Variants in TTC34 observed in about 807,000 individuals in gnomAD.
The protein encoded by TTC34 is tetratricopeptide repeat protein 34.
TTC34 carries 44 observed loss-of-function variants against 40.7 expected under a neutral mutation model. The ratio of observed to expected loss-of-function variants is 1.08; its 90% CI spans 0.85 to 1.39. The LOEUF (loss-of-function observed/expected upper bound fraction) is 1.39, where lower values mean the gene tolerates loss of function less well. TTC34 is among the 40% of genes most tolerant of loss of function. The pLI, the probability that TTC34 is intolerant of heterozygous loss-of-function variation, is 0.00. For missense variants in TTC34, 884 were observed against 838.0 expected (o/e 1.05, Z -0.68); for synonymous variants, 422 against 398.6 (o/e 1.06, Z -0.70).
intron 6 of TTC34, among the ~76,000 whole-genome samples, chr1:2,673,956 GC>G (rs1639794705): frequency 2.2e-5 from 1 of 45,322 alleles, no homozygotes; most frequent in Non-Finnish European, 4.9e-5. Flanking sequence ...CAGCACACAC[GC>G]CCCCAGGCGA....
At chr1:2,644,629 G>A (rs573082633) in intron 7 of TTC34, among the ~76,000 whole-genome samples, 151 bp from the exon 8 acceptor site, 1 of 152,342 alleles carries the variant, frequency 6.6e-6, no homozygotes, top group Admixed American at 6.5e-5. Flanking sequence ...GGGAGCAGAG[G>A]TGCACCGTGA....
Position 2,750,803 on chromosome 1 carries a change from A to C in TTC34, c.2226+32806T>G, listed in dbSNP as rs1488726125. Among the ~76,000 whole-genome samples, 21 of 123,662 alleles carry C rather than the reference A, an allele frequency of 1.7e-4. 5 individuals are homozygous for C. The highest frequency in any genetic ancestry group is 7.4e-4 in the African/African-American group (21 of 28,230). The allele number at this position is 123,662 out of a possible 152,430, so 81.1% of individuals were successfully genotyped here. A position where few individuals can be genotyped will look rare whatever the true frequency, so the allele number is the denominator to read the frequency against. On this transcript the variant is annotated intron_variant, in intron 6 of 8. Transcript: ENST00000401095. Reference sequence around the variant, plus strand: ...CATCGGAGAGTCTGGAGCAGCGCCCACACCCCCAGGCGAGCATCTGACAGC... The same window carrying C: ...CATCGGAGAGTCTGGAGCAGCGCCCCCACCCCCAGGCGAGCATCTGACAGC...
At chr1:2,676,885 C>A (rs1332527135) in intron 6 of TTC34, among the ~76,000 whole-genome samples, 14 of 88,532 alleles carry the variant, frequency 1.6e-4, no homozygotes, top group Admixed American at 2.0e-4. Context: ...CCGCACCCCA[C>A]ACCCACAGGT....
At chr1:2,685,466 G>A (rs1378236065) in intron 6 of TTC34, among the ~76,000 whole-genome samples, 11 of 119,348 alleles carry the variant, frequency 9.2e-5, no homozygotes, top group African/African-American at 1.9e-4. Flanking sequence ...ACAGCCTGGA[G>A]CAGTGCCCAC....
intron 6 of TTC34, among the ~76,000 whole-genome samples, chr1:2,691,503 C>T (rs1345315251): frequency 9.2e-6 from 1 of 108,296 alleles, no homozygotes; most frequent in Non-Finnish European, 2.1e-5. Context: ...GCACCCAAAA[C>T]CACAGGTGAG....
chr1:2,755,973 C>G (rs1290229562), intron 6 of TTC34, among the ~76,000 whole-genome samples: 1 of 76,910 alleles, frequency 1.3e-5, no homozygotes, highest in Non-Finnish European at 2.3e-5. Flanking sequence ...CAGCCTGGAA[C>G]AGCACCCTGC....
At chr1:2,685,749 G>A (rs1425270663) in intron 6 of TTC34, among the ~76,000 whole-genome samples, 9 of 139,420 alleles carry the variant, frequency 6.5e-5, no homozygotes, top group African/African-American at 8.3e-5. Flanking sequence ...GTCTGGAGCA[G>A]AACCCACACC....
At chr1:2,683,683 A>T (rs1445560116) in intron 6 of TTC34, among the ~76,000 whole-genome samples, 21 of 141,802 alleles carry the variant, frequency 1.5e-4, no homozygotes, top group African/African-American at 5.1e-4. Context: ...CCCCCAGGTG[A>T]CGATCTGACA....
intron 2 of TTC34, among the ~76,000 whole-genome samples, chr1:2,792,175 G>A (rs981456627): frequency 6.6e-6 from 1 of 151,496 alleles, no homozygotes; most frequent in Non-Finnish European, 1.5e-5. Context: ...ACTTTTGGAT[G>A]TTTTTTGGAG....
At chr1:2,755,866 T>C (rs1408695875) in intron 6 of TTC34, among the ~76,000 whole-genome samples, 3 of 29,098 alleles carry the variant, frequency 1.0e-4, no homozygotes, top group East Asian at 1.3e-3. Flanking sequence ...ACCCACACAC[T>C]CACGCGAGCA....
chr1:2,797,551 G>A (rs928737230), intron 2 of TTC34, among the ~76,000 whole-genome samples: 1 of 152,210 alleles, frequency 6.6e-6, no homozygotes, highest in African/African-American at 2.4e-5. Flanking sequence ...AAAGGACTGT[G>A]TGTAAAGCAC....
chr1:2,800,101 A>G (rs886400963), exon 2 of TTC34: 14 of 398,484 alleles, frequency 3.5e-5, no homozygotes, highest in African/African-American at 2.9e-4. Flanking sequence ...GCTGCCAGGC[A>G]GTCCTCAAAC....
At chr1:2,800,396 G>T in exon 2 of TTC34, 1 of 398,484 alleles carries the variant, frequency 2.5e-6, no homozygotes. Context: ...CCCAGGCGAG[G>T]GCGCGGGTCA....
intron 6 of TTC34, among the ~76,000 whole-genome samples, chr1:2,691,718 T>C (rs555050381): frequency 4.2e-4 from 23 of 55,014 alleles, no homozygotes; most frequent in East Asian, 1.0e-3. Context: ...AGGTGAGCAT[T>C]GGACAGCCTG....
chr1:2,777,695 G>GT (rs1553168965), intron 6 of TTC34, among the ~76,000 whole-genome samples: 5 of 151,764 alleles, frequency 3.3e-5, no homozygotes, highest in South Asian at 2.1e-4. Context: ...GCATGGGGGG[G>GT]GGGGCGCAGC....
chr1:2,749,473 A>T (rs1641246864), intron 6 of TTC34, among the ~76,000 whole-genome samples: 2 of 108,284 alleles, frequency 1.8e-5, no homozygotes, highest in Non-Finnish European at 3.7e-5. Context: ...GGCCTGGAAC[A>T]GCACCCACAT....
chr1:2,699,285 C>G (rs1172948216), intron 6 of TTC34, among the ~76,000 whole-genome samples: 1 of 150,012 alleles, frequency 6.7e-6, no homozygotes, highest in African/African-American at 2.5e-5. Flanking sequence ...GGAGCAGCAC[C>G]CACACCCCCA....
At position 2,647,110 on chromosome 1, in the gene TTC34, CCAA is replaced by C. The variant is rs557914682; in HGVS notation, c.2227-1550_2227-1548del. On this transcript the variant is annotated intron_variant, in intron 6 of 8. Coordinates refer to ENST00000401095, the Ensembl canonical transcript of TTC34. Reference sequence around the variant, plus strand: ...TTATCTTTTTTTTTCAGGAACTTGACCAAGATGTGCCTTCTTAGGGGTGGTTCT... The same window carrying C: ...TTATCTTTTTTTTTCAGGAACTTGACGATGTGCCTTCTTAGGGGTGGTTCT... Among the ~76,000 whole-genome samples, 368 of 152,166 alleles carry C rather than the reference CCAA, an allele frequency of 2.4e-3. 1 individual carries two copies. Among genetic ancestry groups the C allele is most frequent in the African/African-American group, 7.8e-3 (322 of 41,518 alleles).
At chr1:2,684,840 A>C (rs1200409096) in intron 6 of TTC34, among the ~76,000 whole-genome samples, 28 of 50,744 alleles carry the variant, frequency 5.5e-4, no homozygotes, top group African/African-American at 9.0e-4. Flanking sequence ...CCCCACACCC[A>C]CAGGTGAGCA....
Sources: gnomAD v4.1 joint callset for allele counts (sites outside exome capture counted in the v4.1 genomes callset) on GRCh38, gnomAD v4.1.1 for gene constraint, MANE v1.5 for transcripts, NCBI Gene and HGNC (gene_info 2026-07-23, HGNC 2026-07-21) for gene names.